Variants in BNC2 observed in about 807,000 individuals in gnomAD.
BNC2 encodes the protein zinc finger protein basonuclin-2.
A neutral mutation model predicts 76.3 loss-of-function variants in BNC2; 20 were observed. The ratio of observed to expected loss-of-function variants is 0.26; its 90% CI spans 0.18 to 0.38. The LOEUF is 0.38. Ranked by LOEUF, BNC2 falls within the 10% of genes least tolerant of loss-of-function variation. The probability of loss-of-function intolerance (pLI) is 1.00; values close to 1 mark genes in which losing one functional copy is unlikely to be tolerated. For synonymous variants in BNC2, 582 were observed against 514.8 expected, an observed-to-expected ratio of 1.13 and a Z score of -1.77; for missense variants, 1,382 against 1,399.8, an observed-to-expected ratio of 0.99 and a Z score of 0.20.
intron 5 of BNC2, among the ~76,000 whole-genome samples, chr9:16,533,965 AC>A (rs1401157414): frequency 2.0e-5 from 3 of 150,204 alleles, no homozygotes; most frequent in Non-Finnish European, 2.9e-5. Flanking sequence ...ACTACAAAAA[AC>A]GTCTGACTTC....
At position 16,780,247 on chromosome 9, in the gene BNC2, A is replaced by C. The variant is rs550966437; in HGVS notation, c.4-41762T>G. The stretch of plus-strand genomic sequence containing the variant: ...CAAGACTTCGTTTCAAAAAAAAAAA[A>C]AAAAAAAAACAAAAAAAAACTACTG... On this transcript the variant is annotated intron_variant, in intron 1 of 6. Transcript: ENST00000380672. Among the ~76,000 whole-genome samples the C allele has an allele frequency of 3.7e-4, 50 of 135,006 alleles. 1 individual carries two copies. In the South Asian group the frequency reaches 6.1e-3, roughly 16 times the overall value. 88.6% of individuals were successfully genotyped at this position (135,006 alleles called of 152,430 possible).
chr9:16,625,238 C>T (rs1375153017), intron 3 of BNC2, among the ~76,000 whole-genome samples: 2 of 152,118 alleles, frequency 1.3e-5, no homozygotes, highest in South Asian at 2.1e-4. Flanking sequence ...GTCAGCTTTG[C>T]GTCCTTAAAC....
rs1278803571 is a variant in BNC2 at position 16,510,737 on chromosome 9, G to GT, written c.669+41792dup. Among the ~76,000 whole-genome samples the GT allele has an allele frequency of 2.0e-5, 3 of 152,258 alleles. No individual in the cohort carries two copies. The East Asian group carries it at 5.8e-4, about 29-fold the overall frequency. On this transcript the variant is annotated intron_variant, in intron 5 of 6. Transcript: ENST00000380672. ...CAGGGGAATAAATTGACCTACAAAT[G>GT]TTATCAAATTTTATCACTGAGTGAT...
At chr9:16,516,179 G>T (rs987922922) in intron 5 of BNC2, among the ~76,000 whole-genome samples, 18 of 152,098 alleles carry the variant, frequency 1.2e-4, no homozygotes, top group Admixed American at 6.6e-5. Context: ...CAGGCCGCAG[G>T]GTTCTAATGA....
intron 3 of BNC2, among the ~76,000 whole-genome samples, chr9:16,592,546 C>T (rs1313560540): frequency 6.6e-6 from 1 of 152,088 alleles, no homozygotes; most frequent in Non-Finnish European, 1.5e-5. Context: ...CTTAGGGTGA[C>T]AGCTAAAGGG....
intron 5 of BNC2, among the ~76,000 whole-genome samples, chr9:16,467,791 C>G (rs1397717450): frequency 6.9e-6 from 1 of 143,940 alleles, no homozygotes; most frequent in East Asian, 2.0e-4. Flanking sequence ...ATGTAACTAA[C>G]CTGCACAATG....
rs754683770 is a variant in BNC2, at chr9:16,780,214, T to G, written c.4-41729A>C. Among the ~76,000 whole-genome samples the G allele has an allele frequency of 4.8e-3, 480 of 99,064 alleles. 7 individuals carry two copies. Among genetic ancestry groups the G allele is most frequent in the Admixed American group, 0.035 (244 of 6,914 alleles). 65.0% of individuals were successfully genotyped at this position (99,064 alleles called of 152,430 possible). A position where few individuals can be genotyped will look rare whatever the true frequency, so the allele number is the denominator to read the frequency against. On this transcript the variant is annotated intron_variant, in intron 1 of 6. Transcript: ENST00000380672. Reference sequence around the variant, plus strand: ...TCGCGCCACTGCACTCCAGCCTGGGTGACAGAGCAAGACTTCGTTTCAAAA... The same window carrying G: ...TCGCGCCACTGCACTCCAGCCTGGGGGACAGAGCAAGACTTCGTTTCAAAA...
intron 4 of BNC2, among the ~76,000 whole-genome samples, chr9:16,570,491 A>C (rs762368159): frequency 2.0e-5 from 3 of 152,186 alleles, no homozygotes; most frequent in Non-Finnish European, 2.9e-5. Flanking sequence ...GATTTGCTTA[A>C]TGCATATATC....
chr9:16,846,659 G>T (rs1818989918), intron 1 of BNC2, among the ~76,000 whole-genome samples: 1 of 152,148 alleles, frequency 6.6e-6, no homozygotes, highest in South Asian at 2.1e-4. Context: ...ACAGTTTGCG[G>T]CCCCAGTCAT....
At chr9:16,537,771 T>G (rs1011743504) in intron 5 of BNC2, among the ~76,000 whole-genome samples, 12 of 152,156 alleles carry the variant, frequency 7.9e-5, no homozygotes, top group African/African-American at 2.9e-4. Context: ...TATCAGACAC[T>G]CCTTAGGTCT....
At chr9:16,816,386 G>C (rs909432678) in intron 1 of BNC2, among the ~76,000 whole-genome samples, 1 of 152,144 alleles carries the variant, frequency 6.6e-6, no homozygotes, top group Admixed American at 6.5e-5. Flanking sequence ...ATGTAGGTGT[G>C]CACGCTCTCT....
Position 16,418,694 on chromosome 9 carries a change from GTGCATGTGTGTGTGTGTGTGTT to G in BNC2, c.*273_*294del. The G allele has an allele frequency of 2.8e-6, 1 of 351,606 alleles. No individual in the cohort carries two copies. Among genetic ancestry groups the G allele is most frequent in the African/African-American group, 2.5e-5 (1 of 40,242 alleles). The allele number at this position is 351,606 out of a possible 1,614,324, so 21.8% of individuals were successfully genotyped here. A position where few individuals can be genotyped will look rare whatever the true frequency, so the allele number is the denominator to read the frequency against. ...TGTGTGTGTGTGTGTGTGTGTGTAT[GTGCATGTGTGTGTGTGTGTGTT>G]TAAAGGGGTACTCTGTTTTCACCCT... On this transcript the variant is annotated 3_prime_UTR_variant, in exon 7 of 7. Transcript: ENST00000380672.
At chr9:16,814,042 C>T (rs930258538) in intron 1 of BNC2, among the ~76,000 whole-genome samples, 1 of 152,244 alleles carries the variant, frequency 6.6e-6, no homozygotes, top group East Asian at 1.9e-4. Flanking sequence ...GCAATATATG[C>T]TAGAAGCAGA....
intron 1 of BNC2, among the ~76,000 whole-genome samples, chr9:16,825,865 T>C (rs535286359): frequency 2.0e-5 from 3 of 151,408 alleles, no homozygotes; most frequent in African/African-American, 7.2e-5. Context: ...TGAGCATAAC[T>C]GTATTTTTTT....
chr9:16,497,465 A>T (rs867972618), intron 5 of BNC2, among the ~76,000 whole-genome samples: 28 of 152,172 alleles, frequency 1.8e-4, no homozygotes, highest in African/African-American at 6.8e-4. Context: ...TCATGAATTC[A>T]TTCTCAAATT....
chr9:16,639,057 T>C (rs1413834173), intron 3 of BNC2, among the ~76,000 whole-genome samples: 1 of 152,154 alleles, frequency 6.6e-6, no homozygotes, highest in Admixed American at 6.6e-5. Flanking sequence ...AGAAAAAGGA[T>C]GTCATGTGTA....
chr9:16,516,241 G>GT (rs200171206), intron 5 of BNC2, among the ~76,000 whole-genome samples: 8 of 151,592 alleles, frequency 5.3e-5, no homozygotes, highest in East Asian at 3.9e-4. Flanking sequence ...TGGTTTGTTT[G>GT]TTTTTTTTCA....
At chr9:16,708,770 G>A (rs908009196) in intron 3 of BNC2, among the ~76,000 whole-genome samples, 9 of 151,978 alleles carry the variant, frequency 5.9e-5, no homozygotes, top group African/African-American at 2.2e-4. Flanking sequence ...AGGGATTGCT[G>A]GCAGAGAGGA....
At chr9:16,794,750 CTCT>C (rs1817600329) in intron 1 of BNC2, among the ~76,000 whole-genome samples, 1 of 152,168 alleles carries the variant, frequency 6.6e-6, no homozygotes. Flanking sequence ...CATATTAGTT[CTCT>C]TCAATTTTAC....
Sources: gnomAD v4.1 joint callset for allele counts (sites outside exome capture counted in the v4.1 genomes callset) on GRCh38, gnomAD v4.1.1 for gene constraint, MANE v1.5 for transcripts, NCBI Gene and HGNC (gene_info 2026-07-23, HGNC 2026-07-21) for gene names.